SMYD3: variants seen among roughly 807,000 people sequenced by gnomAD.
SMYD3 encodes histone-lysine N-methyltransferase SMYD3.
A neutral mutation model predicts 57.7 loss-of-function variants in SMYD3; 36 were observed. The observed-to-expected ratio is 0.62, with a 90% CI of 0.48 to 0.82. The LOEUF is 0.82. Ranked by LOEUF, SMYD3 falls within the 40% of genes least tolerant of loss-of-function variation. The probability of loss-of-function intolerance (pLI) is 0.00; values close to 1 mark genes in which losing one functional copy is unlikely to be tolerated. For synonymous variants in SMYD3, 211 were observed against 195.0 expected, an observed-to-expected ratio of 1.08 and a Z score of -0.68; for missense variants, 515 against 538.8, an observed-to-expected ratio of 0.96 and a Z score of 0.44.
chr1:245,942,926 T>C (rs147511163), intron 5 of SMYD3, among the ~76,000 whole-genome samples: 6 of 152,170 alleles, frequency 3.9e-5, no homozygotes, highest in African/African-American at 1.4e-4. Flanking sequence ...AAGAAGTTCT[T>C]TGAAACCAAT....
chr1:246,452,367 T>C (rs1434730430), intron 1 of SMYD3, among the ~76,000 whole-genome samples: 2 of 152,070 alleles, frequency 1.3e-5, no homozygotes, highest in African/African-American at 2.4e-5. Flanking sequence ...TTATGGGTGG[T>C]GTTGTGCACC....
intron 8 of SMYD3, 49 bp downstream of exon 8, chr1:245,915,481 A>C: frequency 8.4e-7 from 1 of 1,188,912 alleles, no homozygotes; most frequent in Non-Finnish European, 1.2e-6. Context: ...TCTGAAGATC[A>C]TTGAGATTTT....
chr1:246,229,786 TA>T (rs2063383971), intron 5 of SMYD3, among the ~76,000 whole-genome samples: 1 of 152,224 alleles, frequency 6.6e-6, no homozygotes, highest in Non-Finnish European at 1.5e-5. Flanking sequence ...TTCCACCTGT[TA>T]ATACTGATAT....
At chr1:246,248,647 T>TGTTTG (rs1572276462) in intron 5 of SMYD3, among the ~76,000 whole-genome samples, 1 of 133,738 alleles carries the variant, frequency 7.5e-6, no homozygotes, top group East Asian at 2.3e-4. Context: ...TTTTTTTTTT[T>TGTTTG]TTTTTTTTTT....
chr1:246,187,527 A>T (rs760129155), intron 5 of SMYD3, among the ~76,000 whole-genome samples: 11 of 152,188 alleles, frequency 7.2e-5, no homozygotes, highest in Non-Finnish European at 8.8e-5. Context: ...TGCAGAAAAC[A>T]CAGTGGTAAA....
chr1:246,442,147 C>A (rs2067480013), intron 1 of SMYD3, among the ~76,000 whole-genome samples: 2 of 152,164 alleles, frequency 1.3e-5, no homozygotes, highest in Non-Finnish European at 2.9e-5. Context: ...GGAGGTGTTA[C>A]TTGAGTCATA....
chr1:246,087,696 G>T (rs973383427), intron 5 of SMYD3, among the ~76,000 whole-genome samples: 23 of 152,138 alleles, frequency 1.5e-4, no homozygotes, highest in African/African-American at 4.6e-4. Flanking sequence ...TCTGTGTCTT[G>T]ATTTTAACTT....
chr1:246,127,086 A>G (rs1029521946), intron 5 of SMYD3, among the ~76,000 whole-genome samples: 2 of 152,184 alleles, frequency 1.3e-5, no homozygotes, highest in African/African-American at 4.8e-5. Context: ...GTAAAGTGCA[A>G]AAGTACCAAA....
chr1:246,447,761 G>A (rs138817313), intron 1 of SMYD3, among the ~76,000 whole-genome samples: 11 of 152,068 alleles, frequency 7.2e-5, no homozygotes, highest in Admixed American at 7.2e-4. Context: ...TCTCCTCTGG[G>A]GAATTAATTG....
At position 245,882,798 on chromosome 1, in the gene SMYD3, T is replaced by C. The variant is rs895307651; in HGVS notation, c.814-18912A>G. 3.3e-5 allele frequency among the ~76,000 whole-genome samples: 5 copies of C among 152,210 alleles called. No homozygotes were observed. In the South Asian group the frequency reaches 1.0e-3, roughly 32 times the overall value. ...TAAATTAATAAAAAAATCTAAATGA[T>C]ATATCACATAGCAAAGCATACTTCA... On this transcript the variant is annotated intron_variant, in intron 8 of 11. Coordinates refer to ENST00000490107, the MANE Select transcript of SMYD3 (RefSeq NM_001167740.2).
At chr1:246,159,800 C>T (rs529763885) in intron 5 of SMYD3, among the ~76,000 whole-genome samples, 89 of 152,086 alleles carry the variant, frequency 5.9e-4, no homozygotes, top group Middle Eastern at 6.8e-3. Flanking sequence ...ACTGAGGGCT[C>T]GCCAGGTCCT....
intron 5 of SMYD3, among the ~76,000 whole-genome samples, chr1:245,938,948 C>G (rs2057099942): frequency 6.6e-6 from 1 of 152,038 alleles, no homozygotes; most frequent in Non-Finnish European, 1.5e-5. Context: ...GAGTTCAAGA[C>G]CACCCTGGCC....
At chr1:245,810,712 G>A (rs2048416395) in intron 10 of SMYD3, among the ~76,000 whole-genome samples, 1 of 152,144 alleles carries the variant, frequency 6.6e-6, no homozygotes, top group African/African-American at 2.4e-5. Flanking sequence ...TAAGCCCCAG[G>A]ACCAGCATCA....
In SMYD3 at chr1:246,449,324, A is replaced by G. The variant is rs114214051; in HGVS notation, c.164+57730T>C. Among the ~76,000 whole-genome samples the G allele has an allele frequency of 2.7e-3, 405 of 152,308 alleles. 1 individual carries two copies. Among genetic ancestry groups the G allele is most frequent in the Non-Finnish European group, 4.2e-3 (284 of 68,008 alleles). ...ATAGATGGTGGTGGATTCCCTTACT[A>G]TATAAAGAAAGCTCTGAATAAGTAG... On this transcript the variant is annotated intron_variant, in intron 1 of 11. Coordinates refer to ENST00000490107, the MANE Select transcript of SMYD3 (RefSeq NM_001167740.2).
At chr1:245,869,722 T>G (rs1383017925) in intron 8 of SMYD3, among the ~76,000 whole-genome samples, 1 of 151,998 alleles carries the variant, frequency 6.6e-6, no homozygotes, top group Non-Finnish European at 1.5e-5. Flanking sequence ...CACCCCAAAA[T>G]CCTACCCACG....
intron 10 of SMYD3, among the ~76,000 whole-genome samples, chr1:245,842,905 T>G (rs951198742): frequency 1.1e-4 from 16 of 152,172 alleles, no homozygotes; most frequent in African/African-American, 3.9e-4. Flanking sequence ...AGACAAGGTC[T>G]TCCTATGTTA....
chr1:246,394,953 T>G (rs1451085139), intron 1 of SMYD3, among the ~76,000 whole-genome samples: 1 of 150,698 alleles, frequency 6.6e-6, no homozygotes, highest in African/African-American at 2.4e-5. Context: ...CTTTATTATA[T>G]GAAAGGCTCC....
At chr1:245,772,410 G>A (rs1056498563) in intron 10 of SMYD3, among the ~76,000 whole-genome samples, 11 of 152,182 alleles carry the variant, frequency 7.2e-5, no homozygotes, top group African/African-American at 2.7e-4. Flanking sequence ...AGTGCTTTGG[G>A]AGGCCAAGGA....
At chr1:245,900,153 A>G (rs539217517) in intron 8 of SMYD3, among the ~76,000 whole-genome samples, 9 of 152,276 alleles carry the variant, frequency 5.9e-5, no homozygotes, top group African/African-American at 2.2e-4. Flanking sequence ...AGCTCAATAG[A>G]GTAAAGAAAA....
Sources: allele counts gnomAD v4.1 joint callset (sites outside exome capture counted in the v4.1 genomes callset), GRCh38; gene constraint gnomAD v4.1.1; transcripts MANE v1.5; gene names NCBI Gene and HGNC (gene_info 2026-07-23, HGNC 2026-07-21).